EPB41: variants seen among roughly 807,000 people sequenced by gnomAD.
EPB41 encodes the protein erythrocyte membrane protein band 4.1, also known as protein 4.1.
A neutral mutation model predicts 108.0 loss-of-function variants in EPB41; 65 were observed. That is an observed-to-expected ratio of 0.60 (90% CI 0.49 to 0.74). The LOEUF (loss-of-function observed/expected upper bound fraction) is 0.74, where lower values mean the gene tolerates loss of function less well. Among genes scored for constraint, EPB41 ranks in the 30% least tolerant of loss-of-function variants. The probability of loss-of-function intolerance (pLI) is 0.00; values close to 1 mark genes in which losing one functional copy is unlikely to be tolerated. For missense variants in EPB41, 875 were observed against 1,037.0 expected (o/e 0.84, Z 2.15); for synonymous variants, 336 against 358.9 (o/e 0.94, Z 0.72).
In EPB41 at chr1:29,008,429, A is replaced by G. The variant is rs74719526; in HGVS notation, c.787-3436A>G. Reference sequence around the variant, plus strand: ...CTGTGAGGATGGTAGTTTTATCCCAATTATACATATGAGAAAATTGAGGCT... The same window carrying G: ...CTGTGAGGATGGTAGTTTTATCCCAGTTATACATATGAGAAAATTGAGGCT... On this transcript the variant is annotated intron_variant, in intron 4 of 20. Transcript: ENST00000343067. 3.2e-4 allele frequency among the ~76,000 whole-genome samples: 49 copies of G among 152,292 alleles called. 1 individual carries two copies. The East Asian group carries it at 8.9e-3, about 28-fold the overall frequency.
intron 15 of EPB41, among the ~76,000 whole-genome samples, chr1:29,063,855 T>C (rs1165154912): frequency 6.6e-6 from 1 of 152,246 alleles, no homozygotes; most frequent in African/African-American, 2.4e-5. Flanking sequence ...ATTTGAGTTT[T>C]TGTCTTCAAG....
At chr1:28,985,573 C>G (rs1217562985) in intron 1 of EPB41, 1 of 152,156 alleles carries the variant, frequency 6.6e-6, no homozygotes, top group Non-Finnish European at 1.5e-5. Context: ...TGAAGGAGAC[C>G]AGCCTTCAAA....
chr1:29,033,653 C>T (rs1226117690), intron 9 of EPB41, among the ~76,000 whole-genome samples: 2 of 148,956 alleles, frequency 1.3e-5, no homozygotes, highest in Non-Finnish European at 2.9e-5. Context: ...CATAGCTTCT[C>T]GTGGTTACTG....
chr1:28,913,807 T>C (rs1435572065), upstream of EPB41, among the ~76,000 whole-genome samples: 2 of 152,282 alleles, frequency 1.3e-5, no homozygotes, highest in East Asian at 3.9e-4. Context: ...CTGACACTTC[T>C]GGAAGGAAAT....
intron 16 of EPB41, among the ~76,000 whole-genome samples, chr1:29,074,291 C>A (rs1652899469): frequency 6.6e-6 from 1 of 152,162 alleles, no homozygotes; most frequent in Non-Finnish European, 1.5e-5. Context: ...GCATTCTCTG[C>A]AGCTTTGAAA....
At chr1:28,947,409 AC>A (rs2094526354) in intron 1 of EPB41, among the ~76,000 whole-genome samples, 1 of 4,564 alleles carries the variant, frequency 2.2e-4, no homozygotes, top group African/African-American at 1.5e-3. Flanking sequence ...TCCGTCTCAG[AC>A]AAACAAACAA....
chr1:29,068,879 G>C (rs1649811315), intron 16 of EPB41: 1 of 1,018,898 alleles, frequency 9.8e-7, no homozygotes, highest in African/African-American at 1.7e-5. Flanking sequence ...AACAGCTGCT[G>C]AATACCTTTT....
chr1:28,940,832 A>G (rs949635924), intron 1 of EPB41, among the ~76,000 whole-genome samples: 1 of 152,172 alleles, frequency 6.6e-6, no homozygotes, highest in Non-Finnish European at 1.5e-5. Context: ...ATCGTCTGAC[A>G]TGTTATATGC....
At chr1:29,001,034 C>G (rs1398950654) in intron 4 of EPB41, among the ~76,000 whole-genome samples, 1 of 151,992 alleles carries the variant, frequency 6.6e-6, no homozygotes, top group Non-Finnish European at 1.5e-5. Flanking sequence ...GATGGCAGGC[C>G]TTCCTTAATA....
intron 1 of EPB41, among the ~76,000 whole-genome samples, chr1:28,977,802 C>T (rs538324966): frequency 2.6e-5 from 4 of 152,024 alleles, no homozygotes; most frequent in South Asian, 2.1e-4. Flanking sequence ...AACATGACTG[C>T]ATGGCATTTG....
chr1:28,987,460 T>C lies in EPB41; in HGVS notation c.23T>C (p.Val8Ala). Residue 8 changes from valine (V) to alanine (A), a missense_variant, in exon 2 of 21, where the codon GTG becomes GCG. Physicochemically the swap from Val to Ala is moderately conservative, Grantham distance 64. Around this residue, in one of 3 missense-constraint regions of EPB41, gnomAD observed 353 missense variants for 393.2 expected, o/e 0.90. Coordinates refer to ENST00000343067, the MANE Select transcript of EPB41 (RefSeq NM_001376013.1). MTTEKSL[V>A]TEAENSQHQQ... is the part of the protein sequence containing the mutation. Reference sequence around the variant, plus strand: ...ATCATGACAACAGAGAAGAGTTTAGTGACTGAGGCCGAAAATTCACAGCAC... The same window carrying C: ...ATCATGACAACAGAGAAGAGTTTAGCGACTGAGGCCGAAAATTCACAGCAC... 1 of 1,614,146 alleles carries C rather than the reference T, an allele frequency of 6.2e-7. No individual in the cohort carries two copies. Among genetic ancestry groups the C allele is most frequent in the Non-Finnish European group, 8.5e-7 (1 of 1,180,004 alleles).
In EPB41 at chr1:29,109,513, C is replaced by T. The variant is rs976692387; in HGVS notation, c.2415+76C>T. 3 of 1,211,036 alleles carry T rather than the reference C, an allele frequency of 2.5e-6. No homozygotes were observed. In the Admixed American group the frequency reaches 5.3e-5, roughly 21 times the overall value. 75.0% of individuals were successfully genotyped at this position (1,211,036 alleles called of 1,614,324 possible). On this transcript the variant is annotated intron_variant, in intron 18 of 20. Transcript: ENST00000343067. ...TGCTGCCACCTCTCTGCAAGAAGGA[C>T]CCTAGTCCATAAGCAAATATTTTCA...
chr1:29,012,122 AT>A (rs78276641), intron 5 of EPB41, among the ~76,000 whole-genome samples: 307 of 145,574 alleles, frequency 2.1e-3, no homozygotes, highest in Middle Eastern at 0.011. Flanking sequence ...GATTTTGTTG[AT>A]TTTTTTTTTT....
Position 29,119,228 on chromosome 1 carries a change from C to G in EPB41, c.*2416C>G, listed in dbSNP as rs1008662220. 2.0e-5 allele frequency: 3 copies of G among 152,694 alleles called. No homozygotes were observed. Among genetic ancestry groups the G allele is most frequent in the Non-Finnish European group, 4.4e-5 (3 of 68,080 alleles). The allele number at this position is 152,694 out of a possible 1,614,324, so 9.5% of individuals were successfully genotyped here. A position where few individuals can be genotyped will look rare whatever the true frequency, so the allele number is the denominator to read the frequency against. ...GTCCTTCCAGGCCTCTTCCCCTTTCCTCCATCTCTGGCAACAGTTCTTGGG... is the reference window on the plus strand; with the variant it reads ...GTCCTTCCAGGCCTCTTCCCCTTTCGTCCATCTCTGGCAACAGTTCTTGGG... On this transcript the variant is annotated 3_prime_UTR_variant, in exon 21 of 21. Coordinates refer to ENST00000343067, the MANE Select transcript of EPB41 (RefSeq NM_001376013.1).
upstream of EPB41, among the ~76,000 whole-genome samples, chr1:28,909,909 C>A (rs80012597): frequency 5.7e-3 from 866 of 151,640 alleles, 9 homozygotes; most frequent in African/African-American, 0.02. Flanking sequence ...ACTATGAGAC[C>A]CTGTCTGTAC....
intron 1 of EPB41, among the ~76,000 whole-genome samples, chr1:28,934,290 C>T (rs2093887079): frequency 6.6e-6 from 1 of 152,152 alleles, no homozygotes; most frequent in Non-Finnish European, 1.5e-5. Flanking sequence ...ATCAATATGA[C>T]TTATCACTAC....
intron 6 of EPB41, 69 bp downstream of exon 6, chr1:29,015,836 C>A: frequency 9.8e-7 from 1 of 1,017,718 alleles, no homozygotes; most frequent in Non-Finnish European, 1.5e-6. Context: ...GTAATTCTTA[C>A]CACCATAAGC....
chr1:29,037,092 C>T (rs1235026334), intron 10 of EPB41, among the ~76,000 whole-genome samples: 1 of 151,936 alleles, frequency 6.6e-6, no homozygotes, highest in Non-Finnish European at 1.5e-5. Context: ...GAAAGTATTT[C>T]CTCTGCTGTT....
chr1:28,982,312 T>C, intron 1 of EPB41: 1 of 611,120 alleles, frequency 1.6e-6, no homozygotes, highest in Non-Finnish European at 3.1e-6. Flanking sequence ...CTACTTGTTC[T>C]TGCCTGTCTT....
Sources: allele counts gnomAD v4.1 joint callset (sites outside exome capture counted in the v4.1 genomes callset), GRCh38; gene constraint gnomAD v4.1.1; regional missense constraint gnomAD v4.1.1; transcripts MANE v1.5; gene names NCBI Gene and HGNC (gene_info 2026-07-23, HGNC 2026-07-21).